The following KIF21A variants were observed in gnomAD, a reference collection of about 807,000 sequenced individuals.
KIF21A encodes kinesin family member 21A, also known as kinesin-like protein KIF21A.
KIF21A carries 114 observed loss-of-function variants against 202.9 expected under a neutral mutation model. The observed-to-expected ratio is 0.56, with a 90% CI of 0.48 to 0.66. KIF21A has a LOEUF of 0.66. Among genes scored for constraint, KIF21A ranks in the 30% least tolerant of loss-of-function variants. KIF21A has a pLI of 0.00. For missense variants in KIF21A, 1,677 were observed against 1,994.9 expected, an observed-to-expected ratio of 0.84 and a Z score of 3.04; for synonymous variants, 667 against 670.8, an observed-to-expected ratio of 0.99 and a Z score of 0.09.
rs1565591136 is a variant in KIF21A at position 39,294,291 on chromosome 12, G to C, written c.*133C>G. ...TTTATTAGAATACCATTTATAGTCA[G>C]CAGTTGAATTCAGATATATTTTCCA... is the stretch of plus-strand genomic sequence containing the variant. On this transcript the variant is annotated 3_prime_UTR_variant, in exon 38 of 38. Transcript: ENST00000361418. 1.4e-6 allele frequency: 1 copy of C among 694,328 alleles called. No homozygotes were observed. The highest frequency in any genetic ancestry group is 2.6e-6 in the Non-Finnish European group (1 of 379,762). 43.0% of individuals were successfully genotyped at this position (694,328 alleles called of 1,614,324 possible).
intron 11 of KIF21A, among the ~76,000 whole-genome samples, chr12:39,348,818 C>A (rs1297194656): frequency 6.6e-6 from 1 of 151,486 alleles, no homozygotes; most frequent in Non-Finnish European, 1.5e-5. Flanking sequence ...AGAAAAAAAA[C>A]CTTTTCTACT....
At chr12:39,354,864 T>C (rs1363406469) in intron 10 of KIF21A, among the ~76,000 whole-genome samples, 1 of 152,208 alleles carries the variant, frequency 6.6e-6, no homozygotes, top group Non-Finnish European at 1.5e-5. Context: ...AATAACTCTC[T>C]GAGATTAGCA....
Position 39,294,269 on chromosome 12 carries a change from A to G in KIF21A, c.*155T>C. ...AGCACACAGGATAGTACACAATTTT[A>G]TTAGAATACCATTTATAGTCAGCAG... On this transcript the variant is annotated 3_prime_UTR_variant, in exon 38 of 38. Transcript: ENST00000361418. The G allele has an allele frequency of 1.6e-6, 1 of 641,164 alleles. No homozygotes were observed. Among genetic ancestry groups the G allele is most frequent in the South Asian group, 1.8e-5 (1 of 56,530 alleles). The allele number at this position is 641,164 out of a possible 1,614,324, so 39.7% of individuals were successfully genotyped here. A position where few individuals can be genotyped will look rare whatever the true frequency, so the allele number is the denominator to read the frequency against.
At chr12:39,426,048 T>C (rs1327134270) in intron 1 of KIF21A, among the ~76,000 whole-genome samples, 2 of 152,188 alleles carry the variant, frequency 1.3e-5, no homozygotes, top group Non-Finnish European at 2.9e-5. Flanking sequence ...CTTTGGGTCT[T>C]TGAATGATAA....
At chr12:39,432,471 T>C (rs1379024473) in intron 1 of KIF21A, among the ~76,000 whole-genome samples, 7 of 152,156 alleles carry the variant, frequency 4.6e-5, no homozygotes, top group Non-Finnish European at 5.9e-5. Context: ...TTAATGCCCT[T>C]ACTAAACAAT....
chr12:39,388,804 C>CA (rs1261132567), intron 1 of KIF21A, among the ~76,000 whole-genome samples: 1 of 152,126 alleles, frequency 6.6e-6, no homozygotes, highest in Non-Finnish European at 1.5e-5. Flanking sequence ...ATTCACTACA[C>CA]AAAAATCAGT....
chr12:39,302,640 A>G (rs1249301057), intron 36 of KIF21A, among the ~76,000 whole-genome samples: 1 of 152,200 alleles, frequency 6.6e-6, no homozygotes, highest in African/African-American at 2.4e-5. Flanking sequence ...GTGTACATAA[A>G]CAAAAGCAAA....
At chr12:39,433,368 A>T (rs905185189) in intron 1 of KIF21A, among the ~76,000 whole-genome samples, 8 of 152,204 alleles carry the variant, frequency 5.3e-5, no homozygotes, top group South Asian at 2.1e-4. Flanking sequence ...AAAAAAAAAA[A>T]TTTATCAAAA....
At chr12:39,410,529 A>G (rs1325112881) in intron 1 of KIF21A, among the ~76,000 whole-genome samples, 1 of 152,206 alleles carries the variant, frequency 6.6e-6, no homozygotes, top group Non-Finnish European at 1.5e-5. Flanking sequence ...CAGACCAAAA[A>G]ACAAATTAGA....
rs745576659 is a variant in KIF21A at position 39,366,459 on chromosome 12, G to T, written c.794C>A (p.Thr265Asn). 1.2e-6 allele frequency: 2 copies of T among 1,613,456 alleles called. No homozygotes were observed. The highest frequency in any genetic ancestry group is 8.5e-7 in the Non-Finnish European group (1 of 1,179,460). Residue 265 changes from threonine to asparagine, a missense_variant, in exon 6 of 38, where the codon ACC becomes AAC. Transcript: ENST00000361418. ...AACAAAATGGAACTTTGCAGTCAGG[G>T]TTTCAAATTCATTCATCTGTGCTGA... ...SESAQMNEFE[T>N]LTAKFHFVDL... is the part of the protein sequence containing the mutation.
chr12:39,406,673 C>T (rs1952615761), intron 1 of KIF21A, among the ~76,000 whole-genome samples: 1 of 152,168 alleles, frequency 6.6e-6, no homozygotes, highest in South Asian at 2.1e-4. Context: ...TGTTTTCTTC[C>T]TTTCTTGGCT....
At chr12:39,309,417 C>T (rs1402739580) in intron 33 of KIF21A, among the ~76,000 whole-genome samples, 169 bp downstream of exon 33, 2 of 151,610 alleles carry the variant, frequency 1.3e-5, no homozygotes, top group African/African-American at 4.8e-5. Context: ...CAAATTTTCC[C>T]CCCTCTTATC....
At chr12:39,303,683 T>C (rs1287979677) in intron 35 of KIF21A, among the ~76,000 whole-genome samples, 2 of 152,162 alleles carry the variant, frequency 1.3e-5, no homozygotes, top group South Asian at 2.1e-4. Context: ...ATAAAAATAT[T>C]ACATATCAAT....
At chr12:39,426,832 T>C (rs1954798347) in intron 1 of KIF21A, among the ~76,000 whole-genome samples, 1 of 143,854 alleles carries the variant, frequency 7.0e-6, no homozygotes, top group Non-Finnish European at 1.5e-5. Context: ...TACAGTGAGG[T>C]GAGATCACAC....
At chr12:39,396,437 G>T (rs1951764945) in intron 1 of KIF21A, among the ~76,000 whole-genome samples, 1 of 152,172 alleles carries the variant, frequency 6.6e-6, no homozygotes, top group African/African-American at 2.4e-5. Flanking sequence ...AAATGTGGAA[G>T]TAAATGAATG....
intron 1 of KIF21A, among the ~76,000 whole-genome samples, chr12:39,424,482 T>C (rs1285579265): frequency 6.6e-6 from 1 of 152,222 alleles, no homozygotes; most frequent in African/African-American, 2.4e-5. Context: ...ACCAGACATC[T>C]TCCCTGTGAT....
chr12:39,371,679 C>T (rs1206524836), intron 1 of KIF21A, among the ~76,000 whole-genome samples: 2 of 152,096 alleles, frequency 1.3e-5, no homozygotes, highest in Non-Finnish European at 2.9e-5. Flanking sequence ...CAGTAACACG[C>T]CTGTAATCCC....
intron 1 of KIF21A, among the ~76,000 whole-genome samples, chr12:39,438,980 G>A (rs77305358): frequency 0.21 from 32,646 of 151,894 alleles, 4,622 homozygotes; most frequent in African/African-American, 0.41. Flanking sequence ...TTTTGTTGGC[G>A]ACATCTATCT....
intron 1 of KIF21A, among the ~76,000 whole-genome samples, chr12:39,379,251 A>T (rs1235725541): frequency 6.6e-6 from 1 of 151,666 alleles, no homozygotes; most frequent in African/African-American, 2.4e-5. Context: ...TTGCTTGAAC[A>T]TAGGAGGCAG....
Sources: gnomAD v4.1 joint callset for allele counts (sites outside exome capture counted in the v4.1 genomes callset) on GRCh38, gnomAD v4.1.1 for gene constraint, MANE v1.5 for transcripts, NCBI Gene and HGNC (gene_info 2026-07-23, HGNC 2026-07-21) for gene names.